VPS53: variants seen among roughly 807,000 people sequenced by gnomAD.
The protein encoded by VPS53 is vacuolar protein sorting-associated protein 53 homolog.
In VPS53, 70 loss-of-function variants were observed where a neutral mutation model predicts 107.0. The ratio of observed to expected loss-of-function variants is 0.65; its 90% confidence interval spans 0.54 to 0.80. The LOEUF is 0.80. Among genes scored for constraint, VPS53 ranks in the 30% least tolerant of loss-of-function variants. The pLI, the probability that VPS53 is intolerant of heterozygous loss-of-function variation, is 0.00. For synonymous variants in VPS53, 409 were observed against 393.3 expected (o/e 1.04, Z -0.47); for missense variants, 917 against 1,049.4 (o/e 0.87, Z 1.74).
chr17:536,466 G>C (rs1910073464), intron 18 of VPS53: 1 of 152,262 alleles, frequency 6.6e-6, no homozygotes, highest in Admixed American at 6.5e-5. Context: ...TCCTGGGCAA[G>C]GAGAGCTTAT....
intron 4 of VPS53, among the ~76,000 whole-genome samples, chr17:666,147 T>G (rs944387465): frequency 6.6e-6 from 1 of 152,106 alleles, no homozygotes; most frequent in Non-Finnish European, 1.5e-5. Context: ...GTCTGTAAGA[T>G]TAGAAGTCAC....
intron 2 of VPS53, among the ~76,000 whole-genome samples, chr17:700,454 G>C (rs530210375): frequency 6.6e-5 from 10 of 152,076 alleles, no homozygotes; most frequent in African/African-American, 2.4e-4. Context: ...AAGAGGCTGC[G>C]GCAGGAGAAT....
chr17:560,839 C>G (rs1264937824), intron 14 of VPS53, among the ~76,000 whole-genome samples: 3 of 152,226 alleles, frequency 2.0e-5, no homozygotes, highest in Admixed American at 6.5e-5. Flanking sequence ...AAAGGGAAGG[C>G]TGCTGAGCTG....
chr17:631,537 CG>C lies in VPS53; in HGVS notation c.687+12del. The C allele has an allele frequency of 1.2e-6, 2 of 1,613,590 alleles. No individual in the cohort carries two copies. The highest frequency in any genetic ancestry group is 1.7e-6 in the Non-Finnish European group (2 of 1,179,682). On this transcript the variant is annotated intron_variant, in intron 8 of 21. Coordinates refer to ENST00000437048, the MANE Select transcript of VPS53 (RefSeq NM_001128159.3). ...TGATCATCTCTAAAGACTGGGGAAA[CG>C]CAAAGCAGTACCTTGGTGCCCTGGG...
At chr17:694,290 C>T (rs1242037793) in intron 4 of VPS53, among the ~76,000 whole-genome samples, 1 of 152,162 alleles carries the variant, frequency 6.6e-6, no homozygotes, top group Non-Finnish European at 1.5e-5. Context: ...GCTGCGGCAA[C>T]CTGTAACCTA....
chr17:693,123 C>T (rs1972832973), intron 4 of VPS53, among the ~76,000 whole-genome samples: 1 of 152,082 alleles, frequency 6.6e-6, no homozygotes, highest in Non-Finnish European at 1.5e-5. Context: ...GACAGCGAGA[C>T]TCTGACTCAA....
chr17:615,808 G>A (rs998556994), intron 11 of VPS53, among the ~76,000 whole-genome samples: 8 of 152,200 alleles, frequency 5.3e-5, no homozygotes, highest in Non-Finnish European at 1.2e-4. Context: ...CTCCAGGCAG[G>A]GTACCCAGCA....
intron 4 of VPS53, among the ~76,000 whole-genome samples, chr17:666,898 G>A (rs1244917152): frequency 6.6e-6 from 1 of 152,094 alleles, no homozygotes; most frequent in African/African-American, 2.4e-5. Context: ...CAGCCTAGGC[G>A]ACAGAGCAAG....
At chr17:658,293 G>A (rs1475152334) in intron 5 of VPS53, among the ~76,000 whole-genome samples, 4 of 126,274 alleles carry the variant, frequency 3.2e-5, no homozygotes, top group Non-Finnish European at 7.0e-5. Context: ...CCGTGAGTTC[G>A]TGGATAGATA....
At chr17:612,953 A>G (rs1968962247) in intron 11 of VPS53, among the ~76,000 whole-genome samples, 1 of 150,980 alleles carries the variant, frequency 6.6e-6, no homozygotes, top group Non-Finnish European at 1.5e-5. Context: ...CAAATAGTGA[A>G]TTCACACAGT....
chr17:545,026 A>G (rs568354262), intron 17 of VPS53, among the ~76,000 whole-genome samples: 9 of 152,286 alleles, frequency 5.9e-5, no homozygotes, highest in African/African-American at 1.9e-4. Context: ...GGCTGCAGTA[A>G]GCTATGATTA....
intron 4 of VPS53, among the ~76,000 whole-genome samples, chr17:662,493 T>TC (rs1160264563): frequency 2.6e-5 from 4 of 151,724 alleles, no homozygotes; most frequent in African/African-American, 9.7e-5. Context: ...ATCAAGACCA[T>TC]CCTGGCTAAC....
intron 17 of VPS53, chr17:538,587 C>T (rs188860861): frequency 2.1e-3 from 327 of 152,258 alleles, no homozygotes; most frequent in African/African-American, 7.4e-3. Context: ...CAAATGACTC[C>T]TAATGTTTTT....
chr17:713,658 C>CA (rs200422195), intron 1 of VPS53, among the ~76,000 whole-genome samples: 13,075 of 143,882 alleles, frequency 0.091, 637 homozygotes, highest in Non-Finnish European at 0.11. Flanking sequence ...TCTCAGAAAA[C>CA]AAAAAAAAAG....
At position 551,963 on chromosome 17, in the gene VPS53, C is replaced by T. The variant is rs377081288; in HGVS notation, c.1788-13G>A. 1.4e-5 allele frequency: 22 copies of T among 1,580,398 alleles called. No individual in the cohort carries two copies. The highest frequency in any genetic ancestry group is 1.8e-5 in the Non-Finnish European group (21 of 1,161,388). Reference sequence around the variant, plus strand: ...GCTGGAGATGACGCTGCAAATCAAACAAATCACTGTGGTCACCCTTTCAAA... The same window carrying T: ...GCTGGAGATGACGCTGCAAATCAAATAAATCACTGTGGTCACCCTTTCAAA... On this transcript the variant is annotated splice_polypyrimidine_tract_variant and intron_variant, in intron 16 of 21. Coordinates refer to ENST00000437048, the MANE Select transcript of VPS53 (RefSeq NM_001128159.3).
intron 12 of VPS53, among the ~76,000 whole-genome samples, chr17:587,596 C>A (rs1404338853): frequency 6.6e-6 from 1 of 152,166 alleles, no homozygotes; most frequent in Non-Finnish European, 1.5e-5. Context: ...AGTCATATGA[C>A]AGGCAAGTAT....
chr17:633,726 G>A (rs1386901747), intron 7 of VPS53, among the ~76,000 whole-genome samples: 5 of 152,184 alleles, frequency 3.3e-5, no homozygotes, highest in Admixed American at 3.3e-4. Flanking sequence ...TGGAATAGCC[G>A]CCACCTCCAG....
At chr17:701,739 A>C (rs1452247428) in intron 2 of VPS53, among the ~76,000 whole-genome samples, 1 of 149,974 alleles carries the variant, frequency 6.7e-6, no homozygotes, top group Non-Finnish European at 1.5e-5. Flanking sequence ...CAAATAGCCT[A>C]CCTTTAAGAT....
At chr17:551,439 G>A (rs1015730841) in intron 17 of VPS53, among the ~76,000 whole-genome samples, 1 of 152,114 alleles carries the variant, frequency 6.6e-6, no homozygotes, top group Non-Finnish European at 1.5e-5. Flanking sequence ...ACAGTGGCAT[G>A]CACCTGTGGT....
Sources: allele counts gnomAD v4.1 joint callset (sites outside exome capture counted in the v4.1 genomes callset), GRCh38; gene constraint gnomAD v4.1.1; transcripts MANE v1.5; gene names NCBI Gene and HGNC (gene_info 2026-07-23, HGNC 2026-07-21).